DHX34: variants seen among roughly 807,000 people sequenced by gnomAD.
DHX34 encodes the protein probable ATP-dependent RNA helicase DHX34.
DHX34 carries 96 observed loss-of-function variants against 111.1 expected under a neutral mutation model. The observed-to-expected ratio is 0.86, with a 90% CI of 0.73 to 1.02. The LOEUF is 1.02. DHX34 is among the 50% of genes least tolerant of loss of function. The pLI, the probability that DHX34 is intolerant of heterozygous loss-of-function variation, is 0.00. For missense variants in DHX34, 1,560 were observed against 1,579.9 expected, an observed-to-expected ratio of 0.99 and a Z score of 0.21; for synonymous variants, 688 against 670.4, an observed-to-expected ratio of 1.03 and a Z score of -0.41.
chr19:47,354,642 T>C (rs903531803), intron 2 of DHX34, among the ~76,000 whole-genome samples: 8 of 151,976 alleles, frequency 5.3e-5, no homozygotes, highest in African/African-American at 1.9e-4. Flanking sequence ...TTTGCTTAGA[T>C]TTTCTTTTTG....
chr19:47,364,654 C>A (rs1219060383), intron 6 of DHX34, among the ~76,000 whole-genome samples: 1 of 152,034 alleles, frequency 6.6e-6, no homozygotes, highest in Non-Finnish European at 1.5e-5. Flanking sequence ...AGGAGGATCG[C>A]TAGAGCCCAG....
intron 9 of DHX34, among the ~76,000 whole-genome samples, chr19:47,374,059 T>C (rs1166979017): frequency 6.6e-6 from 1 of 152,178 alleles, no homozygotes; most frequent in Non-Finnish European, 1.5e-5. Context: ...AGATCCCAGC[T>C]CTGCCATTTC....
intron 6 of DHX34, among the ~76,000 whole-genome samples, chr19:47,366,705 C>G (rs1339131489): frequency 6.6e-6 from 1 of 151,374 alleles, no homozygotes; most frequent in Non-Finnish European, 1.5e-5. Flanking sequence ...CTCAGCCTCC[C>G]GAGTAGCTGG....
At chr19:47,363,820 A>G (rs1354128014) in intron 6 of DHX34, among the ~76,000 whole-genome samples, 2 of 144,818 alleles carry the variant, frequency 1.4e-5, no homozygotes, top group Non-Finnish European at 3.0e-5. Context: ...TCCATCTCAA[A>G]AAAAAAAAAA....
At position 47,353,874 on chromosome 19, in the gene DHX34, G is replaced by A. The variant is rs1388530819; in HGVS notation, c.705+139G>A. ...TGATTCTTCTAGAACTTTATCCACA[G>A]AGTGGCTTGTCTGTGGTCTACATGA... On this transcript the variant is annotated intron_variant, in intron 2 of 16. Transcript: ENST00000328771. This position sits in a 1 kb window ranked among gnomAD's most constrained non-coding sequence, Gnocchi z 4.6. 1 of 859,552 alleles carries A rather than the reference G, an allele frequency of 1.2e-6. No homozygotes were observed. The highest frequency in any genetic ancestry group is 1.7e-5 in the African/African-American group (1 of 58,768). 53.2% of individuals were successfully genotyped at this position (859,552 alleles called of 1,614,324 possible). A position where few individuals can be genotyped will look rare whatever the true frequency, so the allele number is the denominator to read the frequency against.
chr19:47,372,984 G>T, intron 8 of DHX34, 61 bp downstream of exon 8: 1 of 1,500,934 alleles, frequency 6.7e-7, no homozygotes, highest in Non-Finnish European at 8.9e-7. Flanking sequence ...GCCTTCTGTG[G>T]CTGTGGCTCC....
chr19:47,355,449 C>T, intron 3 of DHX34, 99 bp downstream of exon 3: 1 of 1,484,520 alleles, frequency 6.7e-7, no homozygotes, highest in Non-Finnish European at 9.1e-7. Flanking sequence ...TCTCCCATCT[C>T]TTTCATTTAA....
At chr19:47,373,023 T>C in intron 8 of DHX34, 100 bp downstream of exon 8, 2 of 1,399,818 alleles carry the variant, frequency 1.4e-6, no homozygotes, top group East Asian at 5.2e-5. Flanking sequence ...AGCCCCACCC[T>C]GGGAGGACCA....
intron 5 of DHX34, among the ~76,000 whole-genome samples, chr19:47,360,936 C>G (rs1255556410): frequency 6.6e-6 from 1 of 152,010 alleles, no homozygotes; most frequent in Non-Finnish European, 1.5e-5. Flanking sequence ...TCCCAAAGTG[C>G]TGGGATTACG....
At chr19:47,369,722 AGGG>A (rs774872236) in intron 7 of DHX34, among the ~76,000 whole-genome samples, 2 of 151,988 alleles carry the variant, frequency 1.3e-5, no homozygotes, top group African/African-American at 4.8e-5. Context: ...GGCCTGAAGG[AGGG>A]GAGGGGACAG....
At chr19:47,373,521 G>T in intron 8 of DHX34, 78 bp from the exon 9 acceptor site, 1 of 1,537,608 alleles carries the variant, frequency 6.5e-7, no homozygotes, top group Admixed American at 2.0e-5. Context: ...CCCATTTTGG[G>T]GCTCTGGGTG....
At chr19:47,381,081 G>A in intron 15 of DHX34, 89 bp downstream of exon 15, 2 of 1,554,094 alleles carry the variant, frequency 1.3e-6, no homozygotes, top group Non-Finnish European at 1.7e-6. Flanking sequence ...TAGTTCCCAA[G>A]TGGGGCCCGT....
chr19:47,375,440 C>A, intron 9 of DHX34, 26 bp from the exon 10 acceptor site: 1 of 1,563,522 alleles, frequency 6.4e-7, no homozygotes. Flanking sequence ...GCCCTGAGGC[C>A]CTCACCCCTA....
At chr19:47,363,906 C>G (rs1969710467) in intron 6 of DHX34, among the ~76,000 whole-genome samples, 1 of 151,694 alleles carries the variant, frequency 6.6e-6, no homozygotes, top group Non-Finnish European at 1.5e-5. Flanking sequence ...GGAAACCTAG[C>G]AGGAAAGGGC....
chr19:47,365,229 G>GTTATTTATTTAT (rs369713446), intron 6 of DHX34, among the ~76,000 whole-genome samples: 7 of 145,282 alleles, frequency 4.8e-5, no homozygotes, highest in Middle Eastern at 3.2e-3. Flanking sequence ...TAATGTAAAG[G>GTTATTTATTTAT]TTATTTATTT....
At chr19:47,378,655 CTCTA>C (rs201994354) in intron 13 of DHX34, among the ~76,000 whole-genome samples, 3,389 of 152,236 alleles carry the variant, frequency 0.022, 54 homozygotes, top group Middle Eastern at 0.041. Flanking sequence ...CATAGGGAGA[CTCTA>C]TCTATCTCTA....
At position 47,353,230 on chromosome 19, in the gene DHX34, T is replaced by C. The variant is rs972248048; in HGVS notation, c.200T>C (p.Leu67Pro). ...CQKFWTFFER[L>P]QRFQNLKTSR... is the part of the protein sequence containing the mutation. ...AAGTTTTGGACCTTCTTTGAACGCC[T>C]GCAGAGATTCCAGAATCTCAAGACC... The change falls in exon 2 of 17, where the codon CTG becomes CCG. Residue 67 changes from leucine to proline, a missense_variant. Leu to Pro is a moderately conservative substitution (Grantham distance 98, BLOSUM62 -3). Transcript: ENST00000328771. This position sits in a 1 kb window ranked among gnomAD's most constrained non-coding sequence, Gnocchi z 4.6. 8 of 1,614,048 alleles carry C rather than the reference T, an allele frequency of 5.0e-6. No homozygotes were observed. Among genetic ancestry groups the C allele is most frequent in the African/African-American group, 1.3e-5 (1 of 74,898 alleles).
intron 7 of DHX34, among the ~76,000 whole-genome samples, chr19:47,370,180 G>A (rs991107962): frequency 1.3e-5 from 2 of 152,162 alleles, no homozygotes; most frequent in East Asian, 1.9e-4. Context: ...CTGGTTGTGC[G>A]TGAGTGACAG....
At chr19:47,358,249 A>C in intron 4 of DHX34, 129 bp downstream of exon 4, 2 of 1,437,624 alleles carry the variant, frequency 1.4e-6, no homozygotes, top group East Asian at 2.5e-5. Flanking sequence ...GTAGCCACCT[A>C]GTGGCAGAGC....
Sources: gnomAD v4.1 joint callset for allele counts (sites outside exome capture counted in the v4.1 genomes callset) on GRCh38, gnomAD v4.1.1 for gene constraint, Gnocchi (gnomAD v3.1) non-coding constraint, MANE v1.5 for transcripts, NCBI Gene and HGNC (gene_info 2026-07-23, HGNC 2026-07-21) for gene names.